Variants in AGAP1 observed in about 807,000 individuals in gnomAD.
The protein encoded by AGAP1 is arf-GAP with GTPase, ANK repeat and PH domain-containing protein 1.
Under a neutral mutation model 105.3 loss-of-function variants are expected in AGAP1, and 29 were observed. That is an observed-to-expected ratio of 0.28 (90% confidence interval 0.21 to 0.38). The LOEUF (loss-of-function observed/expected upper bound fraction) is 0.38, where lower values mean the gene tolerates loss of function less well. AGAP1 is among the 10% of genes least tolerant of loss of function. AGAP1 has a pLI of 1.00. For missense variants in AGAP1, 998 were observed against 1,165.1 expected (o/e 0.86, Z 2.09); for synonymous variants, 509 against 485.9 (o/e 1.05, Z -0.63).
rs1444243147 is a variant in AGAP1 at position 235,578,914 on chromosome 2, G to C, written c.163+84065G>C. On this transcript the variant is annotated intron_variant, in intron 1 of 17. Coordinates refer to ENST00000304032, the MANE Select transcript of AGAP1 (RefSeq NM_001037131.3). The surrounding 1 kb of genome is among the most constrained non-coding windows in gnomAD (Gnocchi z 4.9). ...TACCTATCTGCCTGTCCCTCTAGCT[G>C]TCAGTCACACAGACGGATATAGATA... Among the ~76,000 whole-genome samples the C allele has an allele frequency of 6.6e-6, 1 of 151,972 alleles. No individual in the cohort carries two copies. The highest frequency in any genetic ancestry group is 6.6e-5 in the Admixed American group (1 of 15,260).
At chr2:235,532,973 C>T (rs1262676163) in intron 1 of AGAP1, among the ~76,000 whole-genome samples, 1 of 152,038 alleles carries the variant, frequency 6.6e-6, no homozygotes, top group East Asian at 1.9e-4. Context: ...ATGCTTCAGA[C>T]TAGTCATGCT....
rs957281254 is a variant in AGAP1 at position 235,874,536 on chromosome 2, A to T, written c.1051-8809A>T. On this transcript the variant is annotated intron_variant, in intron 9 of 17. Transcript: ENST00000304032. This position sits in a 1 kb window ranked among gnomAD's most constrained non-coding sequence, Gnocchi z 4.5. ...CACCTAGGCAGAGCAACCGAAGTGC[A>T]CTTTGCAGGGAGCTAAGAGGCTCGG... Among the ~76,000 whole-genome samples, 1 of 152,204 alleles carries T rather than the reference A, an allele frequency of 6.6e-6. No homozygotes were observed.
chr2:235,866,192 G>A lies in AGAP1; in HGVS notation c.1051-17153G>A, dbSNP rs2049162888. 6.6e-6 allele frequency among the ~76,000 whole-genome samples: 1 copy of A among 152,138 alleles called. No individual in the cohort carries two copies. The highest frequency in any genetic ancestry group is 6.5e-5 in the Admixed American group (1 of 15,274). On this transcript the variant is annotated intron_variant, in intron 9 of 17. Coordinates refer to ENST00000304032, the MANE Select transcript of AGAP1 (RefSeq NM_001037131.3). This position sits in a 1 kb window ranked among gnomAD's most constrained non-coding sequence, Gnocchi z 6.1. ...TTTTAGATTTTTGGTGGACTGCTTTGATGTTTTATTTTCTGAGACTAGGAG... is the reference window on the plus strand; with the variant it reads ...TTTTAGATTTTTGGTGGACTGCTTTAATGTTTTATTTTCTGAGACTAGGAG...
rs371844839 is a variant in AGAP1, at chr2:235,582,048, A to T, written c.163+87199A>T. On this transcript the variant is annotated intron_variant, in intron 1 of 17. Transcript: ENST00000304032. The surrounding 1 kb of genome is among the most constrained non-coding windows in gnomAD (Gnocchi z 4.7). Reference sequence around the variant, plus strand: ...CATATTAACGCAGTCTTTAGGAGACATGAAATGTTCCTTCCATCCAGGGAA... The same window carrying T: ...CATATTAACGCAGTCTTTAGGAGACTTGAAATGTTCCTTCCATCCAGGGAA... 6.6e-6 allele frequency among the ~76,000 whole-genome samples: 1 copy of T among 152,216 alleles called. No homozygotes were observed. The highest frequency in any genetic ancestry group is 6.5e-5 in the Admixed American group (1 of 15,280).
rs1275296561 is a variant in AGAP1 at position 235,927,130 on chromosome 2, G to A, written c.1325-3635G>A. 6.6e-6 allele frequency among the ~76,000 whole-genome samples: 1 copy of A among 152,212 alleles called. No homozygotes were observed. Among genetic ancestry groups the A allele is most frequent in the Non-Finnish European group, 1.5e-5 (1 of 68,040 alleles). On this transcript the variant is annotated intron_variant, in intron 11 of 17. Coordinates refer to ENST00000304032, the MANE Select transcript of AGAP1 (RefSeq NM_001037131.3). The surrounding 1 kb of genome is among the most constrained non-coding windows in gnomAD (Gnocchi z 4.4). ...GCCCAAATTCAGTCATGCTGTTTCA[G>A]TGTAGTCCCGCAGTGGGAAGTGGGT...
Position 235,979,089 on chromosome 2 carries a change from C to CT in AGAP1, c.1645+10473dup, listed in dbSNP as rs1272693960. Among the ~76,000 whole-genome samples, 7 of 141,706 alleles carry CT rather than the reference C, an allele frequency of 4.9e-5. No individual in the cohort carries two copies. Among genetic ancestry groups the CT allele is most frequent in the Non-Finnish European group, 7.5e-5 (5 of 66,748 alleles). 93.0% of individuals were successfully genotyped at this position (141,706 alleles called of 152,430 possible). A position where few individuals can be genotyped will look rare whatever the true frequency, so the allele number is the denominator to read the frequency against. On this transcript the variant is annotated intron_variant, in intron 13 of 17. Transcript: ENST00000304032. The surrounding 1 kb of genome is among the most constrained non-coding windows in gnomAD (Gnocchi z 4.5). Reference sequence around the variant, plus strand: ...TCATTTTAAGATTGATATGCTTTTTCTTTTTTTGGATGACAGAAGTGTATT... The same window carrying CT: ...TCATTTTAAGATTGATATGCTTTTTCTTTTTTTTGGATGACAGAAGTGTATT...
intron 1 of AGAP1, among the ~76,000 whole-genome samples, chr2:235,643,119 G>T (rs1212722368): frequency 6.6e-6 from 1 of 152,098 alleles, no homozygotes; most frequent in Admixed American, 6.5e-5. Flanking sequence ...GACTGGCTGT[G>T]CATACATGGA....
chr2:236,004,637 C>T (rs1470950274), intron 13 of AGAP1, among the ~76,000 whole-genome samples: 1 of 152,174 alleles, frequency 6.6e-6, no homozygotes, highest in East Asian at 1.9e-4. Flanking sequence ...TAAATTATTG[C>T]CTCCAAAGAA....
chr2:236,122,607 A>G (rs571632772), intron 17 of AGAP1, among the ~76,000 whole-genome samples: 2 of 152,258 alleles, frequency 1.3e-5, no homozygotes, highest in South Asian at 2.1e-4. Flanking sequence ...TCATCACTCT[A>G]ATAATCAATC....
Position 235,717,154 on chromosome 2 carries a change from A to G in AGAP1, c.223-403A>G, listed in dbSNP as rs1025876309. Among the ~76,000 whole-genome samples, 3 of 149,794 alleles carry G rather than the reference A, an allele frequency of 2.0e-5. No individual in the cohort carries two copies. In the East Asian group the frequency reaches 5.9e-4, roughly 29 times the overall value. On this transcript the variant is annotated intron_variant, in intron 2 of 17. Coordinates refer to ENST00000304032, the MANE Select transcript of AGAP1 (RefSeq NM_001037131.3). Reference sequence around the variant, plus strand: ...ATGCTACCATGCATGGGTCCTCGCCACTCTCCCCACGTCACTCACCTCTGC... The same window carrying G: ...ATGCTACCATGCATGGGTCCTCGCCGCTCTCCCCACGTCACTCACCTCTGC...
rs34552714 is a variant in AGAP1 at position 235,612,722 on chromosome 2, G to GGCCA, written c.164-96455_164-96452dup. Reference sequence around the variant, plus strand: ...AGTGGTCCTTTTGCATGGGGTGGCCGGCCAGGTGTGCTGAGTGCCACCTGG... The same window carrying GGCCA: ...AGTGGTCCTTTTGCATGGGGTGGCCGGCCAGCCAGGTGTGCTGAGTGCCACCTGG... On this transcript the variant is annotated intron_variant, in intron 1 of 17. Coordinates refer to ENST00000304032, the MANE Select transcript of AGAP1 (RefSeq NM_001037131.3). This position sits in a 1 kb window ranked among gnomAD's most constrained non-coding sequence, Gnocchi z 4.3. Among the ~76,000 whole-genome samples the GGCCA allele has an allele frequency of 0.071, 10,763 of 152,142 alleles. 454 individuals carry two copies. Among genetic ancestry groups the GGCCA allele is most frequent in the African/African-American group, 0.1 (4,239 of 41,508 alleles).
intron 1 of AGAP1, among the ~76,000 whole-genome samples, chr2:235,668,159 G>A (rs2149350197): frequency 6.6e-6 from 1 of 152,184 alleles, no homozygotes; most frequent in South Asian, 2.1e-4. Flanking sequence ...CACAGAGGGT[G>A]CTCAGGTGTA....
rs1471598059 is a variant in AGAP1, at chr2:236,131,771, A to T, written c.*7649A>T. The T allele has an allele frequency of 1.3e-5, 2 of 152,158 alleles. No individual in the cohort carries two copies. Among genetic ancestry groups the T allele is most frequent in the East Asian group, 3.9e-4 (2 of 5,182 alleles). The allele number at this position is 152,158 out of a possible 1,614,324, so 9.4% of individuals were successfully genotyped here. On this transcript the variant is annotated 3_prime_UTR_variant, in exon 18 of 18. Transcript: ENST00000304032. The surrounding 1 kb of genome is among the most constrained non-coding windows in gnomAD (Gnocchi z 5.9). ...GCTATGGTGTAGAGACCTCTTTCTA[A>T]TAAAGAAATGAAAATATGTCTACAC...
intron 1 of AGAP1, among the ~76,000 whole-genome samples, chr2:235,682,797 C>CGTGTGT (rs71064869): frequency 0.013 from 1,966 of 149,500 alleles, 42 homozygotes; most frequent in African/African-American, 0.034. Context: ...TGTGTGCACA[C>CGTGTGT]GTGTGTGTGT....
rs1032315540 is a variant in AGAP1, at chr2:235,612,216, C to T, written c.164-96963C>T. ...TGCTTGGGTGTACGCTGGGCGGGTT[C>T]GCAGTGCTGGAAGAGAGAGTGGACA... is the stretch of plus-strand genomic sequence containing the variant. On this transcript the variant is annotated intron_variant, in intron 1 of 17. Transcript: ENST00000304032. The surrounding 1 kb of genome is among the most constrained non-coding windows in gnomAD (Gnocchi z 4.3). Among the ~76,000 whole-genome samples the T allele has an allele frequency of 5.3e-5, 8 of 152,148 alleles. No individual in the cohort carries two copies. Among genetic ancestry groups the T allele is most frequent in the East Asian group, 3.9e-4 (2 of 5,176 alleles).
chr2:235,575,122 C>T (rs189753287), intron 1 of AGAP1, among the ~76,000 whole-genome samples: 1 of 130,066 alleles, frequency 7.7e-6, no homozygotes, highest in Non-Finnish European at 1.6e-5. Context: ...GATCCTGTCT[C>T]GAAAAAACAA....
rs1483274775 is a variant in AGAP1 at position 236,062,194 on chromosome 2, C to T, written c.2114+12913C>T. Among the ~76,000 whole-genome samples the T allele has an allele frequency of 6.6e-6, 1 of 152,196 alleles. No homozygotes were observed. Among genetic ancestry groups the T allele is most frequent in the African/African-American group, 2.4e-5 (1 of 41,458 alleles). On this transcript the variant is annotated intron_variant, in intron 16 of 17. Coordinates refer to ENST00000304032, the MANE Select transcript of AGAP1 (RefSeq NM_001037131.3). The surrounding 1 kb of genome is among the most constrained non-coding windows in gnomAD (Gnocchi z 4.2). ...CATCACCACCAGATACTGGGAGTCCCTGGGAGAGATCAGGCACTTGACAAG... is the reference window on the plus strand; with the variant it reads ...CATCACCACCAGATACTGGGAGTCCTTGGGAGAGATCAGGCACTTGACAAG...
At chr2:235,933,312 G>A (rs1046518585) in intron 12 of AGAP1, among the ~76,000 whole-genome samples, 3 of 152,116 alleles carry the variant, frequency 2.0e-5, no homozygotes, top group African/African-American at 7.2e-5. Context: ...GAATAGCCAC[G>A]AGCCGCAGTG....
At position 235,843,577 on chromosome 2, in the gene AGAP1, C is replaced by A. The variant is rs775341896; in HGVS notation, c.1050+36246C>A. Among the ~76,000 whole-genome samples the A allele has an allele frequency of 1.1e-4, 16 of 152,116 alleles. No individual in the cohort carries two copies. The highest frequency in any genetic ancestry group is 1.0e-3 in the Admixed American group (16 of 15,278). ...TTCCCCATTTGCAGCCTCTAGGTGC[C>A]CTGTCTTGGCCAGCAGCACTTGCCT... On this transcript the variant is annotated intron_variant, in intron 9 of 17. Transcript: ENST00000304032. This position sits in a 1 kb window ranked among gnomAD's most constrained non-coding sequence, Gnocchi z 5.9.
Sources: allele counts gnomAD v4.1 joint callset (sites outside exome capture counted in the v4.1 genomes callset), GRCh38; gene constraint gnomAD v4.1.1; non-coding constraint Gnocchi (gnomAD v3.1); transcripts MANE v1.5; gene names NCBI Gene and HGNC (gene_info 2026-07-23, HGNC 2026-07-21).